Variants in NELL2 observed in about 807,000 individuals in gnomAD.
The protein encoded by NELL2 is protein kinase C-binding protein NELL2.
Under a neutral mutation model 109.6 loss-of-function variants are expected in NELL2, and 41 were observed. That is an observed-to-expected ratio of 0.37 (90% CI 0.29 to 0.49). The LOEUF (loss-of-function observed/expected upper bound fraction) is 0.49. Among genes scored for constraint, NELL2 ranks in the 20% least tolerant of loss-of-function variants. NELL2 has a pLI of 0.98. For missense variants in NELL2, 900 were observed against 1,008.3 expected (o/e 0.89, Z 1.45); for synonymous variants, 355 against 344.7 (o/e 1.03, Z -0.33).
intron 15 of NELL2, among the ~76,000 whole-genome samples, chr12:44,542,364 C>T (rs1457938401): frequency 6.6e-6 from 1 of 151,042 alleles, no homozygotes; most frequent in African/African-American, 2.4e-5. Flanking sequence ...TACCCTCAGA[C>T]CTTTTCTTTT....
intron 9 of NELL2, among the ~76,000 whole-genome samples, chr12:44,744,171 G>C (rs947226767): frequency 6.6e-6 from 1 of 152,092 alleles, no homozygotes; most frequent in African/African-American, 2.4e-5. Flanking sequence ...CAACTACATG[G>C]AAACTGAACA....
chr12:44,816,040 T>G lies in NELL2; in HGVS notation c.281A>C (p.Lys94Thr), dbSNP rs1462613937. The G allele has an allele frequency of 6.2e-7, 1 of 1,613,754 alleles. No individual in the cohort carries two copies. Among genetic ancestry groups the G allele is most frequent in the Admixed American group, 1.7e-5 (1 of 59,946 alleles). The change falls in exon 3 of 20, where the codon AAA (lysine) becomes ACA (threonine). Residue 94 changes from lysine (K) to threonine (T), a missense_variant. Lys to Thr is a moderately conservative substitution (Grantham distance 78). This residue lies in a region of NELL2 where 200 missense variants were observed against 191.8 expected (regional missense o/e 1.04). Coordinates refer to ENST00000429094, the MANE Select transcript of NELL2 (RefSeq NM_001145108.2). ...AACTCCTGAATTTAAGTGGGTCTGT[T>G]TTAGGGTCACCAAAATAGTAAATTC... ...KHEFTILVTLKQTHLNSGVIL... is the reference protein window; with the variant it reads ...KHEFTILVTLTQTHLNSGVIL...
intron 11 of NELL2, among the ~76,000 whole-genome samples, chr12:44,704,318 CA>C (rs201642913): frequency 7.6e-6 from 1 of 131,092 alleles, no homozygotes; most frequent in African/African-American, 2.6e-5. Flanking sequence ...GCTTAGCATC[CA>C]AAAAAAACAA....
chr12:44,627,324 G>T (rs535615792), intron 13 of NELL2, among the ~76,000 whole-genome samples: 2 of 151,964 alleles, frequency 1.3e-5, no homozygotes, highest in Admixed American at 1.3e-4. Flanking sequence ...CTAATTTTTT[G>T]CATTGACATG....
intron 12 of NELL2, among the ~76,000 whole-genome samples, chr12:44,666,206 T>C (rs1423678233): frequency 6.6e-6 from 1 of 152,164 alleles, no homozygotes; most frequent in Non-Finnish European, 1.5e-5. Context: ...AGATATTATA[T>C]TAAAGATCTT....
At chr12:44,902,134 T>C (rs916002412) in intron 1 of NELL2, among the ~76,000 whole-genome samples, 1 of 152,346 alleles carries the variant, frequency 6.6e-6, no homozygotes. Flanking sequence ...GATGACATGA[T>C]TGTATATTTA....
At chr12:44,848,014 G>A (rs913037580) in intron 2 of NELL2, among the ~76,000 whole-genome samples, 2 of 139,982 alleles carry the variant, frequency 1.4e-5, no homozygotes, top group African/African-American at 5.4e-5. Flanking sequence ...CTGGGCGACA[G>A]AGTGAAACTC....
chr12:44,676,644 T>C (rs1000253311), intron 12 of NELL2, among the ~76,000 whole-genome samples: 3 of 152,080 alleles, frequency 2.0e-5, no homozygotes, highest in Admixed American at 2.0e-4. Flanking sequence ...TCAAAAAGAG[T>C]GAAAGCTCTG....
chr12:44,707,786 T>G (rs1482418349), intron 11 of NELL2, among the ~76,000 whole-genome samples: 1 of 152,182 alleles, frequency 6.6e-6, no homozygotes, highest in Non-Finnish European at 1.5e-5. Context: ...GAGTCGACTA[T>G]AGTAGGTATT....
intron 3 of NELL2, among the ~76,000 whole-genome samples, chr12:44,807,367 A>G (rs1943037199): frequency 6.6e-6 from 1 of 151,570 alleles, no homozygotes; most frequent in African/African-American, 2.4e-5. Context: ...GCATGCATGC[A>G]GAAAGAATTC....
chr12:44,658,079 A>C (rs1056929750), intron 13 of NELL2, among the ~76,000 whole-genome samples: 1 of 152,160 alleles, frequency 6.6e-6, no homozygotes, highest in Non-Finnish European at 1.5e-5. Flanking sequence ...TGGTTGAACT[A>C]ATTTACACTC....
At chr12:44,746,470 C>T (rs1940360512) in intron 9 of NELL2, among the ~76,000 whole-genome samples, 1 of 152,090 alleles carries the variant, frequency 6.6e-6, no homozygotes, top group African/African-American at 2.4e-5. Context: ...AACTCAAGAG[C>T]TTCTGCACAG....
At chr12:44,747,411 G>A (rs1033993647) in intron 9 of NELL2, among the ~76,000 whole-genome samples, 5 of 151,672 alleles carry the variant, frequency 3.3e-5, no homozygotes, top group African/African-American at 1.2e-4. Context: ...TAACAAACCT[G>A]CACGTTGTGC....
intron 15 of NELL2, among the ~76,000 whole-genome samples, chr12:44,584,674 C>T (rs1007104244): frequency 4.6e-5 from 7 of 152,180 alleles, no homozygotes; most frequent in Non-Finnish European, 1.0e-4. Flanking sequence ...TCTCAGTAGG[C>T]AACTTGTTTC....
chr12:44,511,740 C>T (rs1432008835), intron 19 of NELL2, among the ~76,000 whole-genome samples: 1 of 152,164 alleles, frequency 6.6e-6, no homozygotes, highest in African/African-American at 2.4e-5. Flanking sequence ...TGCGTCAGAT[C>T]TGTGTCCTTC....
At chr12:44,892,019 G>A (rs1945540355) in intron 1 of NELL2, among the ~76,000 whole-genome samples, 1 of 152,192 alleles carries the variant, frequency 6.6e-6, no homozygotes, top group South Asian at 2.1e-4. Context: ...TATTCATGGT[G>A]CTATGGTTTC....
intron 15 of NELL2, 135 bp downstream of exon 15, chr12:44,607,034 C>T: frequency 3.0e-6 from 2 of 664,642 alleles, no homozygotes. Context: ...CCCACCTCCT[C>T]CCTCCTATCA....
At chr12:44,751,013 G>A (rs61932423) in intron 9 of NELL2, among the ~76,000 whole-genome samples, 1 of 152,092 alleles carries the variant, frequency 6.6e-6, no homozygotes, top group Non-Finnish European at 1.5e-5. Flanking sequence ...GTCCAAAAGA[G>A]CAGAATAAAG....
intron 8 of NELL2, 96 bp from the exon 9 acceptor site, chr12:44,774,945 T>A: frequency 1.1e-6 from 1 of 917,252 alleles, no homozygotes; most frequent in Non-Finnish European, 1.7e-6. Flanking sequence ...ACTCTTCATG[T>A]GAAGAGAACA....
Sources: gnomAD v4.1 joint callset for allele counts (sites outside exome capture counted in the v4.1 genomes callset) on GRCh38, gnomAD v4.1.1 for gene constraint, gnomAD v4.1.1 regional missense constraint, MANE v1.5 for transcripts, NCBI Gene and HGNC (gene_info 2026-07-23, HGNC 2026-07-21) for gene names.